Variants in CCSER1 observed in about 807,000 individuals in gnomAD.
CCSER1 encodes serine-rich coiled-coil domain-containing protein 1.
A neutral mutation model predicts 82.0 loss-of-function variants in CCSER1; 41 were observed. The observed-to-expected ratio is 0.50, with a 90% confidence interval of 0.39 to 0.65. The LOEUF (loss-of-function observed/expected upper bound fraction) is 0.65. CCSER1 is among the 30% of genes least tolerant of loss of function. The probability of loss-of-function intolerance (pLI) is 0.00; values close to 1 mark genes in which losing one functional copy is unlikely to be tolerated. For missense variants in CCSER1, 1,119 were observed against 1,064.2 expected (o/e 1.05, Z -0.72); for synonymous variants, 414 against 383.9 (o/e 1.08, Z -0.92).
At chr4:90,326,770 G>A (rs746458643) in intron 3 of CCSER1, among the ~76,000 whole-genome samples, 1 of 152,066 alleles carries the variant, frequency 6.6e-6, no homozygotes, top group Non-Finnish European at 1.5e-5. Flanking sequence ...TATCCCTCTT[G>A]CTCCCCAGGC....
Position 90,839,074 on chromosome 4 carries a change from C to T in CCSER1, c.2094+23229C>T, listed in dbSNP as rs373383665. 26 of 1,581,836 alleles carry T rather than the reference C, an allele frequency of 1.6e-5. No homozygotes were observed. In the African/African-American group the frequency reaches 2.8e-4, roughly 17 times the overall value. On this transcript the variant is annotated intron_variant, in intron 8 of 10. Coordinates refer to ENST00000509176, the MANE Select transcript of CCSER1 (RefSeq NM_001145065.2). ...AAAAGCGGAGCGAGGCGCGCGAGTA[C>T]GAGCGAAGTCTGGTCTGCGCAGTGG...
At chr4:91,501,914 G>A (rs1759230993) in intron 10 of CCSER1, among the ~76,000 whole-genome samples, 1 of 152,132 alleles carries the variant, frequency 6.6e-6, no homozygotes, top group Non-Finnish European at 1.5e-5. Context: ...TCTTAAGTAA[G>A]CACAATTGAC....
intron 10 of CCSER1, among the ~76,000 whole-genome samples, chr4:91,358,340 T>G (rs537289236): frequency 1.7e-3 from 262 of 151,680 alleles, no homozygotes; most frequent in Non-Finnish European, 2.8e-3. Context: ...TGAATTTTTT[T>G]TTTTTTAACA....
At chr4:90,613,590 C>G (rs1433677240) in intron 5 of CCSER1, among the ~76,000 whole-genome samples, 2 of 152,076 alleles carry the variant, frequency 1.3e-5, no homozygotes, top group African/African-American at 2.4e-5. Context: ...TGAATTCTTT[C>G]CAGAAGGTTT....
chr4:90,870,256 C>T (rs1422826842), intron 8 of CCSER1, among the ~76,000 whole-genome samples: 1 of 151,674 alleles, frequency 6.6e-6, no homozygotes, highest in Non-Finnish European at 1.5e-5. Context: ...AAAGTGTACT[C>T]TTGTTGTGTT....
Position 90,416,169 on chromosome 4 carries a change from C to CT in CCSER1, c.1603+16048dup, listed in dbSNP as rs145076503. ...ATATGTACGTATATCAAATCATTACCTTTTTTTTACCTTGACTATATTCAA... is the reference window on the plus strand; with the variant it reads ...ATATGTACGTATATCAAATCATTACCTTTTTTTTTACCTTGACTATATTCAA... On this transcript the variant is annotated intron_variant, in intron 4 of 10. Transcript: ENST00000509176. 1.6e-4 allele frequency among the ~76,000 whole-genome samples: 24 copies of CT among 151,924 alleles called. No homozygotes were observed. The South Asian group carries it at 2.5e-3, about 16-fold the overall frequency.
chr4:91,349,208 ATTTT>A (rs111249015), intron 10 of CCSER1, among the ~76,000 whole-genome samples: 1 of 151,946 alleles, frequency 6.6e-6, no homozygotes, highest in East Asian at 1.9e-4. Context: ...CGCCCGGCCA[ATTTT>A]TTTATGTTGA....
rs551544607 is a variant in CCSER1 at position 91,100,622 on chromosome 4, A to G, written c.2217+14628A>G. Among the ~76,000 whole-genome samples the G allele has an allele frequency of 3.9e-5, 6 of 152,282 alleles. No individual in the cohort carries two copies. In the South Asian group the frequency reaches 1.2e-3, roughly 32 times the overall value. ...ATCTTTATTTAACCTCAAATATTCT[A>G]TTTCCACATGTTATATTACAGATGA... On this transcript the variant is annotated intron_variant, in intron 10 of 10. Transcript: ENST00000509176.
At chr4:90,799,864 G>T (rs908175989) in intron 7 of CCSER1, among the ~76,000 whole-genome samples, 1 of 152,160 alleles carries the variant, frequency 6.6e-6, no homozygotes, top group African/African-American at 2.4e-5. Context: ...TGGTCAACGG[G>T]GCTCCTCCTG....
At chr4:90,408,768 C>G (rs1030732436) in intron 4 of CCSER1, among the ~76,000 whole-genome samples, 6 of 152,216 alleles carry the variant, frequency 3.9e-5, no homozygotes, top group Non-Finnish European at 8.8e-5. Context: ...AGCAACGGAA[C>G]AAAGCTGGAC....
rs891012386 is a variant in CCSER1, at chr4:91,430,056, A to G, written c.2218-168516A>G. 7.7e-4 allele frequency among the ~76,000 whole-genome samples: 117 copies of G among 152,092 alleles called. 1 individual carries two copies. The highest frequency in any genetic ancestry group is 1.5e-3 in the Non-Finnish European group (102 of 67,932). ...TTTATATCTCATGTATTTTACAAAT[A>G]CATCTTATGTTGGAAAATAATTGAG... On this transcript the variant is annotated intron_variant, in intron 10 of 10. Transcript: ENST00000509176.
chr4:90,283,885 G>T (rs1382783552), intron 1 of CCSER1, among the ~76,000 whole-genome samples: 1 of 151,910 alleles, frequency 6.6e-6, no homozygotes, highest in Non-Finnish European at 1.5e-5. Flanking sequence ...TCTTTTTTTA[G>T]TTTTTTGAGA....
At chr4:90,832,104 G>A (rs1479873432) in intron 8 of CCSER1, among the ~76,000 whole-genome samples, 1 of 151,804 alleles carries the variant, frequency 6.6e-6, no homozygotes, top group East Asian at 1.9e-4. Context: ...TCCTAGTTCA[G>A]TGTTATAAGT....
chr4:90,528,118 A>T (rs1774021882), intron 5 of CCSER1, among the ~76,000 whole-genome samples: 1 of 152,146 alleles, frequency 6.6e-6, no homozygotes, highest in Admixed American at 6.5e-5. Flanking sequence ...GGTAGAACAG[A>T]CTTCCCCTGT....
chr4:91,326,824 G>A (rs1197425565), intron 10 of CCSER1, among the ~76,000 whole-genome samples: 1 of 152,122 alleles, frequency 6.6e-6, no homozygotes, highest in Admixed American at 6.5e-5. Context: ...CCAAAACCAA[G>A]GGTCTGCAGG....
intron 10 of CCSER1, among the ~76,000 whole-genome samples, chr4:91,522,507 A>G (rs548367523): frequency 1.7e-4 from 26 of 152,334 alleles, no homozygotes; most frequent in Non-Finnish European, 2.9e-4. Flanking sequence ...ATCCATGAGC[A>G]TGGAATGTTC....
chr4:91,043,053 T>C (rs552202781), intron 9 of CCSER1, among the ~76,000 whole-genome samples: 2 of 152,026 alleles, frequency 1.3e-5, no homozygotes, highest in East Asian at 3.9e-4. Flanking sequence ...TGGAGTATCA[T>C]CCACTATTTG....
chr4:91,218,032 C>T (rs796719085), intron 10 of CCSER1, among the ~76,000 whole-genome samples: 1 of 152,172 alleles, frequency 6.6e-6, no homozygotes, highest in African/African-American at 2.4e-5. Context: ...TGGTGCTTGT[C>T]GGGGAGGCTC....
chr4:90,974,621 G>A (rs1735439893), intron 9 of CCSER1, among the ~76,000 whole-genome samples: 1 of 151,272 alleles, frequency 6.6e-6, no homozygotes, highest in South Asian at 2.1e-4. Flanking sequence ...AAGAGTCTCA[G>A]CACCTTTACC....
Sources: allele counts gnomAD v4.1 joint callset (sites outside exome capture counted in the v4.1 genomes callset), GRCh38; gene constraint gnomAD v4.1.1; transcripts MANE v1.5; gene names NCBI Gene and HGNC (gene_info 2026-07-23, HGNC 2026-07-21).